The following GPR39 variants were observed in gnomAD, a reference collection of about 807,000 sequenced individuals.
GPR39 encodes G protein-coupled receptor 39, also known as zinc sensing receptor.
A neutral mutation model predicts 18.4 loss-of-function variants in GPR39; 23 were observed. That is an observed-to-expected ratio of 1.25 (90% CI 0.90 to 1.77). The LOEUF is 1.77. Ranked by LOEUF, GPR39 falls within the 40% of genes most tolerant of loss-of-function variation. The pLI is 0.00. For missense variants in GPR39, 647 were observed against 602.4 expected (o/e 1.07, Z -0.78); for synonymous variants, 280 against 257.9 (o/e 1.09, Z -0.82).
chr2:132,505,243 CT>C (rs1174036905), intron 1 of GPR39, among the ~76,000 whole-genome samples: 1 of 152,038 alleles, frequency 6.6e-6, no homozygotes, highest in Non-Finnish European at 1.5e-5. Flanking sequence ...TCTTCATCTT[CT>C]TTTTTTCTTA....
At chr2:132,554,327 C>T (rs1680105937) in intron 1 of GPR39, among the ~76,000 whole-genome samples, 1 of 152,170 alleles carries the variant, frequency 6.6e-6, no homozygotes, top group South Asian at 2.1e-4. Context: ...GTGAGAGTCC[C>T]TGAAGGCCAT....
intron 1 of GPR39, among the ~76,000 whole-genome samples, chr2:132,612,707 T>G (rs1291425718): frequency 2.0e-5 from 3 of 152,258 alleles, no homozygotes; most frequent in African/African-American, 4.8e-5. Flanking sequence ...TGTGCTAATA[T>G]CACACCATCT....
intron 1 of GPR39, among the ~76,000 whole-genome samples, chr2:132,600,421 AG>A (rs749725548): frequency 2.2e-4 from 33 of 152,212 alleles, no homozygotes; most frequent in Non-Finnish European, 4.1e-4. Flanking sequence ...AACAAAATAG[AG>A]GAAAAAATAC....
At chr2:132,607,356 A>G (rs1032062625) in intron 1 of GPR39, among the ~76,000 whole-genome samples, 3 of 152,202 alleles carry the variant, frequency 2.0e-5, no homozygotes, top group Admixed American at 2.0e-4. Flanking sequence ...TGGGTTGATC[A>G]TAAAGTCAGT....
intron 1 of GPR39, among the ~76,000 whole-genome samples, chr2:132,578,656 T>C (rs1680570452): frequency 6.6e-6 from 1 of 152,200 alleles, no homozygotes; most frequent in Non-Finnish European, 1.5e-5. Context: ...AGTGTGTTTC[T>C]AAATAGACTT....
At chr2:132,531,243 A>G (rs960560070) in intron 1 of GPR39, among the ~76,000 whole-genome samples, 4 of 152,210 alleles carry the variant, frequency 2.6e-5, no homozygotes, top group Non-Finnish European at 5.9e-5. Context: ...AACAAAGATC[A>G]AAAGAGACAA....
At position 132,438,573 on chromosome 2, in the gene GPR39, CTTTTTTT is replaced by C. The variant is rs35614907; in HGVS notation, c.856+20694_856+20700del. 4.0e-3 allele frequency among the ~76,000 whole-genome samples: 393 copies of C among 97,770 alleles called. 1 individual carries two copies. Among genetic ancestry groups the C allele is most frequent in the African/African-American group, 9.8e-3 (259 of 26,424 alleles). The allele number at this position is 97,770 out of a possible 152,430, so 64.1% of individuals were successfully genotyped here. On this transcript the variant is annotated intron_variant, in intron 1 of 1. Transcript: ENST00000329321. ...TCATGATACCTGTAATGTCAGCAAG[CTTTTTTT>C]TTTTTTTTTTTTTTTTTTACATTTT...
chr2:132,420,926 T>C (rs1395731696), intron 1 of GPR39, among the ~76,000 whole-genome samples: 2 of 152,186 alleles, frequency 1.3e-5, no homozygotes, highest in East Asian at 3.8e-4. Flanking sequence ...GATGCAAAAG[T>C]GCACATTCCT....
intron 1 of GPR39, among the ~76,000 whole-genome samples, chr2:132,590,818 CGTGTGT>C (rs3066458): frequency 3.1e-4 from 45 of 144,004 alleles, no homozygotes; most frequent in South Asian, 1.4e-3. Flanking sequence ...AAGTATTGTT[CGTGTGT>C]GTGTGTGTGT....
intron 1 of GPR39, among the ~76,000 whole-genome samples, chr2:132,568,598 C>T (rs1206269536): frequency 6.6e-6 from 1 of 151,916 alleles, no homozygotes. Flanking sequence ...CCCAGCTACC[C>T]AGGAGCCTGA....
At chr2:132,587,744 A>C (rs994215914) in intron 1 of GPR39, among the ~76,000 whole-genome samples, 5 of 152,116 alleles carry the variant, frequency 3.3e-5, no homozygotes, top group African/African-American at 1.2e-4. Flanking sequence ...CATGTTGGCC[A>C]GGCTGGTCTT....
chr2:132,615,652 C>T (rs1681320976), intron 1 of GPR39, among the ~76,000 whole-genome samples: 1 of 152,172 alleles, frequency 6.6e-6, no homozygotes, highest in Non-Finnish European at 1.5e-5. Flanking sequence ...CACTCCTGCC[C>T]TTAAATAAAT....
rs79726546 is a variant in GPR39, at chr2:132,614,145, C to G, written c.857-30956C>G. Among the ~76,000 whole-genome samples the G allele has an allele frequency of 3.1e-4, 47 of 151,674 alleles. 1 individual carries two copies. The East Asian group carries it at 9.1e-3, about 29-fold the overall frequency. ...TCTTCTAGCATCTTTCTCCATCCAT[C>G]CAGAATTGCAGTGTCTTGAGGAACT... On this transcript the variant is annotated intron_variant, in intron 1 of 1. Coordinates refer to ENST00000329321, the MANE Select transcript of GPR39 (RefSeq NM_001508.3).
In GPR39 at chr2:132,417,282, C is replaced by G; in HGVS notation, c.240C>G (p.Ile80Met). The G allele has an allele frequency of 1.2e-6, 2 of 1,614,172 alleles. No individual in the cohort carries two copies. The highest frequency in any genetic ancestry group is 1.7e-6 in the Non-Finnish European group (2 of 1,180,030). The change falls in exon 1 of 2, where the codon ATC becomes ATG. Residue 80 changes from isoleucine to methionine, a missense_variant. Around this residue, in one of 3 missense-constraint regions of GPR39, gnomAD observed 581 missense variants for 506.8 expected, o/e 1.15. Coordinates refer to ENST00000329321, the MANE Select transcript of GPR39 (RefSeq NM_001508.3). ...DHMVSLACSD[I>M]LVFLIGMPME... ...TGGTGAGTTTGGCTTGCTCGGACAT[C>G]TTGGTGTTCCTCATCGGCATGCCCA...
intron 1 of GPR39, among the ~76,000 whole-genome samples, chr2:132,565,572 C>T (rs1680336312): frequency 1.6e-5 from 2 of 128,520 alleles, no homozygotes; most frequent in South Asian, 2.8e-4. Flanking sequence ...CACCACAGTC[C>T]CCAGAGTGTG....
intron 1 of GPR39, among the ~76,000 whole-genome samples, chr2:132,613,964 G>A (rs778449109): frequency 3.3e-5 from 5 of 152,188 alleles, no homozygotes; most frequent in Non-Finnish European, 5.9e-5. Flanking sequence ...TGGTGGATGA[G>A]TGCTCCTTGT....
chr2:132,492,230 T>C lies in GPR39; in HGVS notation c.856+74332T>C, dbSNP rs191708115. On this transcript the variant is annotated intron_variant, in intron 1 of 1. Coordinates refer to ENST00000329321, the MANE Select transcript of GPR39 (RefSeq NM_001508.3). The stretch of plus-strand genomic sequence containing the variant: ...ACCATATATATACATACCATATATA[T>C]ACCATATATATACATACCATATATA... Among the ~76,000 whole-genome samples, 338 of 140,856 alleles carry C rather than the reference T, an allele frequency of 2.4e-3. 13 individuals are homozygous for C. The highest frequency in any genetic ancestry group is 0.018 in the Admixed American group (239 of 13,378). The allele number at this position is 140,856 out of a possible 152,430, so 92.4% of individuals were successfully genotyped here.
chr2:132,586,488 G>A (rs996852168), intron 1 of GPR39, among the ~76,000 whole-genome samples: 2 of 152,084 alleles, frequency 1.3e-5, no homozygotes, highest in African/African-American at 2.4e-5. Flanking sequence ...CGTGTTTGCT[G>A]GTGTCCCTGA....
chr2:132,440,852 G>GAT (rs1680424859), intron 1 of GPR39, among the ~76,000 whole-genome samples: 1 of 152,228 alleles, frequency 6.6e-6, no homozygotes, highest in Non-Finnish European at 1.5e-5. Flanking sequence ...AGAGGCACAT[G>GAT]TGCCCTTGCA....
Sources: allele counts gnomAD v4.1 joint callset (sites outside exome capture counted in the v4.1 genomes callset), GRCh38; gene constraint gnomAD v4.1.1; regional missense constraint gnomAD v4.1.1; transcripts MANE v1.5; gene names NCBI Gene and HGNC (gene_info 2026-07-23, HGNC 2026-07-21).